NDST3: variants seen among roughly 807,000 people sequenced by gnomAD.
NDST3 encodes N-deacetylase and N-sulfotransferase 3.
A neutral mutation model predicts 96.1 loss-of-function variants in NDST3; 58 were observed. That is an observed-to-expected ratio of 0.60 (90% confidence interval 0.49 to 0.75). The LOEUF (loss-of-function observed/expected upper bound fraction) is 0.75. NDST3 is among the 30% of genes least tolerant of loss of function. The pLI is 0.00. For synonymous variants in NDST3, 333 were observed against 359.7 expected, an observed-to-expected ratio of 0.93 and a Z score of 0.84; for missense variants, 788 against 1,034.2, an observed-to-expected ratio of 0.76 and a Z score of 3.27.
Position 118,242,114 on chromosome 4 carries a change from A to G in NDST3, c.2364A>G (p.Gly788=). The change falls in exon 12 of 14, where the codon GGA becomes GGG. Residue 788 remains glycine, a synonymous_variant. Coordinates refer to ENST00000296499, the MANE Select transcript of NDST3 (RefSeq NM_004784.3). ...TGGATGAAGTACAGAAGTTTCTAGG[A>G]GTCTTGCCTCATTATAATTACTCAG... ...TVMDEVQKFL[G]VLPHYNYSEA... 3 of 1,611,552 alleles carry G rather than the reference A, an allele frequency of 1.9e-6. No homozygotes were observed. Among genetic ancestry groups the G allele is most frequent in the Non-Finnish European group, 2.5e-6 (3 of 1,177,976 alleles).
chr4:118,035,998 G>A (rs1308415167), intron 1 of NDST3, among the ~76,000 whole-genome samples: 1 of 151,950 alleles, frequency 6.6e-6, no homozygotes, highest in Non-Finnish European at 1.5e-5. Context: ...CATTATTTCT[G>A]AACATTGAGG....
chr4:118,131,185 T>A (rs1732579523), intron 4 of NDST3, among the ~76,000 whole-genome samples: 1 of 152,208 alleles, frequency 6.6e-6, no homozygotes, highest in South Asian at 2.1e-4. Context: ...TACTTCTTCT[T>A]TAAAACCAAT....
chr4:118,054,048 G>A lies in NDST3; in HGVS notation c.138G>A (p.Thr46=), dbSNP rs145505386. The A allele has an allele frequency of 5.5e-5, 89 of 1,612,726 alleles. No homozygotes were observed. Among genetic ancestry groups the A allele is most frequent in the Admixed American group, 1.3e-4 (8 of 59,848 alleles). Residue 46 remains threonine (T), a synonymous_variant, in exon 2 of 14, where the codon ACG becomes ACA. Coordinates refer to ENST00000296499, the MANE Select transcript of NDST3 (RefSeq NM_004784.3). ...AACAGGAAAATGAACTCTCTGAGACGGCTTCAGAAGTTGACTGTGGCGACC... is the reference window on the plus strand; with the variant it reads ...AACAGGAAAATGAACTCTCTGAGACAGCTTCAGAAGTTGACTGTGGCGACC... ...GYKQENELSE[T]ASEVDCGDLQ...
chr4:118,085,122 A>AAAC (rs10682796), intron 2 of NDST3, among the ~76,000 whole-genome samples: 113,114 of 150,630 alleles, frequency 0.75, 45,114 homozygotes, highest in South Asian at 0.92. Context: ...GACTCCGTAA[A>AAAC]AACAACAACA....
intron 3 of NDST3, among the ~76,000 whole-genome samples, chr4:118,111,670 G>T (rs1730652826): frequency 6.6e-6 from 1 of 151,880 alleles, no homozygotes; most frequent in Non-Finnish European, 1.5e-5. Flanking sequence ...CTGAGTAGCT[G>T]GGACTACAGG....
intron 6 of NDST3, among the ~76,000 whole-genome samples, chr4:118,181,631 A>G (rs796090871): frequency 6.6e-5 from 10 of 152,232 alleles, no homozygotes; most frequent in Admixed American, 2.0e-4. Flanking sequence ...CTGACCATAG[A>G]GCTCTTTTAA....
intron 4 of NDST3, among the ~76,000 whole-genome samples, chr4:118,134,601 G>A (rs924509221): frequency 6.6e-6 from 1 of 152,120 alleles, no homozygotes; most frequent in East Asian, 1.9e-4. Flanking sequence ...GAAAGAGGAG[G>A]TGTCAAAACT....
intron 2 of NDST3, among the ~76,000 whole-genome samples, chr4:118,068,657 T>A (rs967498428): frequency 2.0e-5 from 3 of 152,138 alleles, no homozygotes; most frequent in Admixed American, 1.3e-4. Flanking sequence ...ATGATTCTAA[T>A]GCAGGTAGTA....
chr4:118,125,715 C>T (rs925526857), intron 4 of NDST3, among the ~76,000 whole-genome samples: 3 of 151,926 alleles, frequency 2.0e-5, no homozygotes, highest in Non-Finnish European at 4.4e-5. Flanking sequence ...TTGTACAACC[C>T]CTTTATTTTA....
intron 9 of NDST3, 57 bp from the exon 10 acceptor site, chr4:118,236,989 G>A: frequency 7.7e-7 from 1 of 1,302,756 alleles, no homozygotes; most frequent in Non-Finnish European, 1.0e-6. Context: ...AACATCTTTG[G>A]TCACCAGAAT....
intron 2 of NDST3, among the ~76,000 whole-genome samples, chr4:118,081,120 T>C (rs1422967428): frequency 2.0e-5 from 3 of 152,282 alleles, no homozygotes; most frequent in African/African-American, 7.2e-5. Flanking sequence ...ACCTACCTCA[T>C]GGAGTTTGAA....
chr4:118,073,997 A>G (rs562288554), intron 2 of NDST3, among the ~76,000 whole-genome samples: 2 of 152,228 alleles, frequency 1.3e-5, no homozygotes, highest in Admixed American at 6.6e-5. Flanking sequence ...TTATTTTCAA[A>G]TAGTTTCCTA....
chr4:118,239,892 T>C (rs543083775), intron 10 of NDST3, among the ~76,000 whole-genome samples: 1 of 152,260 alleles, frequency 6.6e-6, no homozygotes, highest in South Asian at 2.1e-4. Context: ...TGAGCAATCC[T>C]GTTGGATTGC....
intron 4 of NDST3, among the ~76,000 whole-genome samples, chr4:118,137,358 T>A (rs1733191697): frequency 6.6e-6 from 1 of 152,168 alleles, no homozygotes; most frequent in Non-Finnish European, 1.5e-5. Context: ...CCTTTTTTTT[T>A]TTAACTGGAG....
At chr4:118,039,776 G>A (rs376349583) in intron 1 of NDST3, among the ~76,000 whole-genome samples, 2 of 152,286 alleles carry the variant, frequency 1.3e-5, no homozygotes. Flanking sequence ...GAAAGACCCT[G>A]AGACAGAAAA....
At chr4:118,119,389 A>G (rs1343265032) in intron 4 of NDST3, among the ~76,000 whole-genome samples, 5 of 152,154 alleles carry the variant, frequency 3.3e-5, no homozygotes, top group African/African-American at 1.2e-4. Flanking sequence ...GAATACTACC[A>G]CTTTTATTTC....
intron 8 of NDST3, among the ~76,000 whole-genome samples, chr4:118,227,651 A>G (rs563211916): frequency 1.3e-3 from 168 of 126,038 alleles, no homozygotes; most frequent in South Asian, 0.013. Context: ...TCGCTCTGTC[A>G]CCCAGGCTGG....
chr4:118,142,621 A>C (rs556565736), intron 5 of NDST3, among the ~76,000 whole-genome samples: 1 of 152,200 alleles, frequency 6.6e-6, no homozygotes, highest in South Asian at 2.1e-4. Context: ...TAAGCAGAAG[A>C]CCTGTCCCTA....
chr4:118,034,847 G>A (rs1168236672), intron 1 of NDST3, among the ~76,000 whole-genome samples: 1 of 152,120 alleles, frequency 6.6e-6, no homozygotes, highest in Admixed American at 6.5e-5. Flanking sequence ...TCTTGTAATT[G>A]TTTAAGATAT....
Sources: gnomAD v4.1 joint callset for allele counts (sites outside exome capture counted in the v4.1 genomes callset) on GRCh38, gnomAD v4.1.1 for gene constraint, MANE v1.5 for transcripts, NCBI Gene and HGNC (gene_info 2026-07-23, HGNC 2026-07-21) for gene names.